Variants in CHSY3 observed in about 807,000 individuals in gnomAD.
The protein encoded by CHSY3 is N-acetylgalactosaminyl-proteoglycan 3-beta-glucuronosyltransferase 3.
In CHSY3, 35 loss-of-function variants were observed where a neutral mutation model predicts 67.2. The observed-to-expected ratio is 0.52, with a 90% CI of 0.40 to 0.69. The LOEUF is 0.69. Ranked by LOEUF, CHSY3 falls within the 30% of genes least tolerant of loss-of-function variation. The pLI, the probability that CHSY3 is intolerant of heterozygous loss-of-function variation, is 0.00. For missense variants in CHSY3, 1,069 were observed against 1,138.5 expected (o/e 0.94, Z 0.88); for synonymous variants, 474 against 434.7 (o/e 1.09, Z -1.12).
At chr5:130,090,073 C>T (rs1319243622) in intron 2 of CHSY3, among the ~76,000 whole-genome samples, 9 of 152,166 alleles carry the variant, frequency 5.9e-5, no homozygotes, top group Admixed American at 5.9e-4. Flanking sequence ...GGCTTGCCTT[C>T]ACTCCAGGTA....
chr5:129,905,717 C>T (rs549568193), intron 1 of CHSY3, 86 bp downstream of exon 1: 39 of 1,540,918 alleles, frequency 2.5e-5, no homozygotes, highest in African/African-American at 4.1e-5. Flanking sequence ...CCAGCCCCTC[C>T]GCTGCTTCTC....
rs1460421358 is a variant in CHSY3, at chr5:129,908,117, T to A, written c.843T>A (p.Ser281Arg). ...LEEFLRSLNSSKPLYLGQTGL... is the reference protein window; with the variant it reads ...LEEFLRSLNSRKPLYLGQTGL... ...AGTTTCTTAGATCGCTAAACAGCAG[T>A]AAGCCTCTCTACCTGGGACAGACTG... Residue 281 changes from serine to arginine, a missense_variant, in exon 2 of 3, where the codon AGT becomes AGA. Coordinates refer to ENST00000305031, the MANE Select transcript of CHSY3 (RefSeq NM_175856.5). The A allele has an allele frequency of 6.2e-7, 1 of 1,614,174 alleles. No individual in the cohort carries two copies.
intron 2 of CHSY3, among the ~76,000 whole-genome samples, chr5:129,935,935 T>G (rs1435808075): frequency 6.6e-6 from 1 of 152,142 alleles, no homozygotes; most frequent in Admixed American, 6.5e-5. Context: ...GGAACTACAC[T>G]GAGAACAACC....
intron 2 of CHSY3, among the ~76,000 whole-genome samples, chr5:130,102,035 A>G (rs1196829271): frequency 2.0e-5 from 3 of 152,146 alleles, no homozygotes; most frequent in African/African-American, 7.2e-5. Context: ...GTGTTGTTAC[A>G]TTGGAGTGCT....
chr5:129,978,725 G>GT (rs1762883125), intron 2 of CHSY3, among the ~76,000 whole-genome samples: 1 of 152,000 alleles, frequency 6.6e-6, no homozygotes, highest in Non-Finnish European at 1.5e-5. Context: ...ATTTTCTACA[G>GT]TGAGTATATA....
chr5:129,995,448 G>A (rs995959108), intron 2 of CHSY3, among the ~76,000 whole-genome samples: 19 of 150,232 alleles, frequency 1.3e-4, no homozygotes, highest in Non-Finnish European at 2.4e-4. Context: ...AGTCTAATTC[G>A]TCGATTAAAA....
At chr5:130,040,940 G>A (rs1367281235) in intron 2 of CHSY3, among the ~76,000 whole-genome samples, 1 of 152,032 alleles carries the variant, frequency 6.6e-6, no homozygotes, top group East Asian at 1.9e-4. Context: ...CAGCAAAATT[G>A]CTTGGCTGTT....
chr5:130,038,310 A>C (rs1299950102), intron 2 of CHSY3, among the ~76,000 whole-genome samples: 1 of 152,126 alleles, frequency 6.6e-6, no homozygotes, highest in Admixed American at 6.6e-5. Flanking sequence ...GAAAAGTTAT[A>C]AGGCAGCATT....
At chr5:129,985,132 T>C (rs1356946102) in intron 2 of CHSY3, among the ~76,000 whole-genome samples, 1 of 152,198 alleles carries the variant, frequency 6.6e-6, no homozygotes, top group African/African-American at 2.4e-5. Context: ...CTAAGTTTTC[T>C]TCTAGAGTTT....
rs751673580 is a variant in CHSY3, at chr5:130,185,722, A to T, written c.2580A>T (p.Ser860=). Residue 860 remains serine (S), a synonymous_variant, in exon 3 of 3, where the codon TCA becomes TCT. Coordinates refer to ENST00000305031, the MANE Select transcript of CHSY3 (RefSeq NM_175856.5). ...CLGSKASTFA[S]TMQLAELWLE... is the part of the protein sequence containing the mutation. ...GATCCAAGGCAAGTACTTTCGCCTC[A>T]ACCATGCAACTGGCTGAACTCTGGC... 4 of 1,613,260 alleles carry T rather than the reference A, an allele frequency of 2.5e-6. No individual in the cohort carries two copies. In the African/African-American group the frequency reaches 5.3e-5, roughly 22 times the overall value.
At chr5:130,058,233 T>C (rs933240665) in intron 2 of CHSY3, among the ~76,000 whole-genome samples, 1 of 152,188 alleles carries the variant, frequency 6.6e-6, no homozygotes. Flanking sequence ...AAGGTACTCG[T>C]TGCTTTTGAA....
chr5:130,110,079 G>A (rs1002657221), intron 2 of CHSY3, among the ~76,000 whole-genome samples: 4 of 151,872 alleles, frequency 2.6e-5, no homozygotes, highest in Admixed American at 2.6e-4. Context: ...AAAGAAAAAT[G>A]TTGGCAGTTC....
At chr5:130,073,070 A>G (rs1195400413) in intron 2 of CHSY3, among the ~76,000 whole-genome samples, 1 of 152,186 alleles carries the variant, frequency 6.6e-6, no homozygotes, top group Admixed American at 6.6e-5. Flanking sequence ...AATAACTTTT[A>G]GTGATCTATT....
intron 2 of CHSY3, among the ~76,000 whole-genome samples, chr5:130,059,127 G>A (rs1765628546): frequency 6.6e-6 from 1 of 152,116 alleles, no homozygotes; most frequent in South Asian, 2.1e-4. Context: ...ATGTGGATGG[G>A]CCTCATGCAA....
chr5:129,908,222 C>A lies in CHSY3; in HGVS notation c.948C>A (p.Ile316=), dbSNP rs762201656. 1.2e-5 allele frequency: 19 copies of A among 1,614,026 alleles called. No homozygotes were observed. The Admixed American group carries it at 2.2e-4, about 18-fold the overall frequency. ...ENFCMGGPGM[I]FSREVLRRMV... is the part of the protein sequence containing the mutation. ...TCTGTATGGGAGGACCTGGCATGAT[C>A]TTTAGCCGAGAAGTTCTCAGGAGGA... The change falls in exon 2 of 3, where the codon ATC becomes ATA. Residue 316 remains isoleucine (I), a synonymous_variant. Transcript: ENST00000305031.
intron 2 of CHSY3, among the ~76,000 whole-genome samples, chr5:130,169,573 A>G (rs537230283): frequency 8.5e-5 from 13 of 152,068 alleles, no homozygotes; most frequent in African/African-American, 3.1e-4. Flanking sequence ...TATCTGACCC[A>G]TTTTTTAATG....
chr5:130,119,798 CCT>C (rs1174661055), intron 2 of CHSY3, among the ~76,000 whole-genome samples: 1 of 152,056 alleles, frequency 6.6e-6, no homozygotes, highest in Admixed American at 6.6e-5. Flanking sequence ...TACTATCACT[CCT>C]CTTAATATCA....
At chr5:130,009,156 T>A (rs1411390545) in intron 2 of CHSY3, among the ~76,000 whole-genome samples, 4 of 152,038 alleles carry the variant, frequency 2.6e-5, no homozygotes, top group Non-Finnish European at 4.4e-5. Flanking sequence ...CCAAAACACA[T>A]CATCGTCGTA....
intron 2 of CHSY3, among the ~76,000 whole-genome samples, chr5:130,069,677 C>G (rs558312137): frequency 1.1e-4 from 17 of 152,020 alleles, no homozygotes; most frequent in Non-Finnish European, 2.1e-4. Context: ...TGATTTGAAT[C>G]TTCACTATCG....
Sources: allele counts gnomAD v4.1 joint callset (sites outside exome capture counted in the v4.1 genomes callset), GRCh38; gene constraint gnomAD v4.1.1; transcripts MANE v1.5; gene names NCBI Gene and HGNC (gene_info 2026-07-23, HGNC 2026-07-21).